The following AKAP6 variants were observed in gnomAD, a reference collection of about 807,000 sequenced individuals.
AKAP6 encodes A-kinase anchoring protein 6, also known as A-kinase anchor protein 6.
Under a neutral mutation model 188.5 loss-of-function variants are expected in AKAP6, and 58 were observed. The ratio of observed to expected loss-of-function variants is 0.31; its 90% CI spans 0.25 to 0.38. The LOEUF (loss-of-function observed/expected upper bound fraction) is 0.38. Among genes scored for constraint, AKAP6 ranks in the 10% least tolerant of loss-of-function variants. The pLI, the probability that AKAP6 is intolerant of heterozygous loss-of-function variation, is 1.00. For missense variants in AKAP6, 2,710 were observed against 2,740.0 expected (o/e 0.99, Z 0.24); for synonymous variants, 989 against 998.6 (o/e 0.99, Z 0.18).
chr14:32,572,234 A>C (rs1443575463), intron 4 of AKAP6, among the ~76,000 whole-genome samples: 1 of 152,210 alleles, frequency 6.6e-6, no homozygotes, highest in Admixed American at 6.5e-5. Context: ...CAGTTTCCTC[A>C]TCTGTAAAAT....
intron 12 of AKAP6, among the ~76,000 whole-genome samples, chr14:32,778,191 G>GCAGT (rs2033126417): frequency 6.6e-6 from 1 of 152,122 alleles, no homozygotes; most frequent in African/African-American, 2.4e-5. Flanking sequence ...AATGTTAAAG[G>GCAGT]CAGTCCTTCA....
At chr14:32,707,587 TATTG>T (rs1325344017) in intron 9 of AKAP6, among the ~76,000 whole-genome samples, 3 of 152,128 alleles carry the variant, frequency 2.0e-5, no homozygotes, top group East Asian at 1.9e-4. Flanking sequence ...TCGTGTTATT[TATTG>T]ATTATTTATT....
At chr14:32,334,922 T>C (rs1886641937) in intron 1 of AKAP6, among the ~76,000 whole-genome samples, 1 of 152,210 alleles carries the variant, frequency 6.6e-6, no homozygotes, top group Non-Finnish European at 1.5e-5. Flanking sequence ...CAAGGGTAAG[T>C]AGGGAGAGAA....
intron 9 of AKAP6, among the ~76,000 whole-genome samples, chr14:32,724,570 G>A (rs2030746214): frequency 6.6e-6 from 1 of 152,092 alleles, no homozygotes; most frequent in African/African-American, 2.4e-5. Flanking sequence ...GAAGATAATA[G>A]GATTGAATTT....
chr14:32,775,610 A>C (rs1198716721), intron 12 of AKAP6, among the ~76,000 whole-genome samples: 1 of 151,758 alleles, frequency 6.6e-6, no homozygotes, highest in South Asian at 2.1e-4. Context: ...TTTTTATTTT[A>C]CTTTTTGTAG....
chr14:32,511,273 C>T (rs1881245647), intron 2 of AKAP6, among the ~76,000 whole-genome samples: 1 of 152,130 alleles, frequency 6.6e-6, no homozygotes, highest in African/African-American at 2.4e-5. Context: ...CACAAAGATG[C>T]CATGCAATTC....
chr14:32,531,891 G>T (rs1432893079), intron 2 of AKAP6, among the ~76,000 whole-genome samples: 1 of 152,138 alleles, frequency 6.6e-6, no homozygotes, highest in Non-Finnish European at 1.5e-5. Flanking sequence ...CACATTGAAG[G>T]ACCACTTACC....
intron 2 of AKAP6, among the ~76,000 whole-genome samples, chr14:32,466,788 T>G (rs958829666): frequency 7.3e-6 from 1 of 137,140 alleles, no homozygotes; most frequent in African/African-American, 3.1e-5. Flanking sequence ...GTAGACCCTT[T>G]TTGGATCCTG....
At chr14:32,548,381 C>G (rs1399356927) in intron 4 of AKAP6, among the ~76,000 whole-genome samples, 2 of 151,472 alleles carry the variant, frequency 1.3e-5, no homozygotes. Flanking sequence ...GGATTACAGG[C>G]GTGAGCCACT....
intron 1 of AKAP6, among the ~76,000 whole-genome samples, chr14:32,394,250 T>G (rs2138592348): frequency 6.6e-6 from 1 of 152,272 alleles, no homozygotes; most frequent in Non-Finnish European, 1.5e-5. Flanking sequence ...TCAAAAAAAT[T>G]GATTGAACAT....
At chr14:32,548,535 TAG>T (rs1883305663) in intron 4 of AKAP6, among the ~76,000 whole-genome samples, 2 of 89,704 alleles carry the variant, frequency 2.2e-5, no homozygotes, top group Non-Finnish European at 4.8e-5. Flanking sequence ...CTAAAATAGA[TAG>T]ATAGATAGAT....
chr14:32,666,799 T>A (rs79063038), intron 7 of AKAP6, among the ~76,000 whole-genome samples: 20,478 of 152,058 alleles, frequency 0.13, 1,927 homozygotes, highest in East Asian at 0.4. Flanking sequence ...ACCATCATTT[T>A]AAAAATCACT....
chr14:32,476,508 G>T (rs1031456248), intron 2 of AKAP6, among the ~76,000 whole-genome samples: 3 of 152,200 alleles, frequency 2.0e-5, no homozygotes, highest in Admixed American at 2.0e-4. Context: ...ATTGCAATAA[G>T]ATTTTTGTAT....
At chr14:32,777,289 A>G (rs749694154) in intron 12 of AKAP6, among the ~76,000 whole-genome samples, 6 of 152,232 alleles carry the variant, frequency 3.9e-5, no homozygotes, top group Non-Finnish European at 5.9e-5. Context: ...ATAGTGTCTG[A>G]CATCCAATCT....
At chr14:32,712,872 C>T (rs1370993255) in intron 9 of AKAP6, among the ~76,000 whole-genome samples, 3 of 152,036 alleles carry the variant, frequency 2.0e-5, no homozygotes, top group Non-Finnish European at 4.4e-5. Context: ...TTTTGATCTC[C>T]TCCTATGAAT....
intron 9 of AKAP6, among the ~76,000 whole-genome samples, chr14:32,728,612 A>G (rs1378699834): frequency 6.6e-6 from 1 of 152,194 alleles, no homozygotes; most frequent in Non-Finnish European, 1.5e-5. Context: ...CCCTGATGAC[A>G]CAGAATACAA....
chr14:32,437,398 A>G (rs576263060), intron 2 of AKAP6, among the ~76,000 whole-genome samples: 3 of 152,312 alleles, frequency 2.0e-5, no homozygotes, highest in African/African-American at 7.2e-5. Context: ...AAGTCTTTTC[A>G]TCATGCTCTT....
At chr14:32,791,682 G>T (rs112839677) in intron 12 of AKAP6, among the ~76,000 whole-genome samples, 81,332 of 151,826 alleles carry the variant, frequency 0.54, 21,980 homozygotes, top group South Asian at 0.7. Flanking sequence ...GTTTTAGTCA[G>T]GAAGTCTTTG....
chr14:32,344,745 G>A (rs1041140788), intron 1 of AKAP6, among the ~76,000 whole-genome samples: 10 of 152,040 alleles, frequency 6.6e-5, no homozygotes, highest in African/African-American at 1.4e-4. Flanking sequence ...GCGAAACCCC[G>A]TCTCTACTAA....
Sources: allele counts gnomAD v4.1 joint callset (sites outside exome capture counted in the v4.1 genomes callset), GRCh38; gene constraint gnomAD v4.1.1; transcripts MANE v1.5; gene names NCBI Gene and HGNC (gene_info 2026-07-23, HGNC 2026-07-21).